HERC2: variants seen among roughly 807,000 people sequenced by gnomAD.
The protein encoded by HERC2 is HECT and RLD domain containing E3 ubiquitin protein ligase 2, also known as E3 ubiquitin-protein ligase HERC2.
HERC2 carries 102 observed loss-of-function variants against 537.7 expected under a neutral mutation model. The observed-to-expected ratio is 0.19, with a 90% CI of 0.16 to 0.22. The LOEUF (loss-of-function observed/expected upper bound fraction) is 0.22. HERC2 is among the 10% of genes least tolerant of loss of function. HERC2 has a pLI of 1.00. For missense variants in HERC2, 4,236 were observed against 6,198.2 expected (o/e 0.68, Z 10.63); for synonymous variants, 2,224 against 2,466.2 (o/e 0.90, Z 2.91).
At chr15:28,170,107 C>T (rs557136833) in intron 65 of HERC2, among the ~76,000 whole-genome samples, 1 of 152,328 alleles carries the variant, frequency 6.6e-6, no homozygotes, top group South Asian at 2.1e-4. Flanking sequence ...AGAGCTGGGA[C>T]ATGTGTCTAT....
chr15:28,215,162 C>A (rs753522762), intron 39 of HERC2, among the ~76,000 whole-genome samples: 2 of 152,068 alleles, frequency 1.3e-5, no homozygotes, highest in Non-Finnish European at 2.9e-5. Flanking sequence ...CAGGCATGAG[C>A]CACTGCGCCC....
chr15:28,311,076 CAAAAAAAAAAAAAAA>C (rs71132854), intron 2 of HERC2, among the ~76,000 whole-genome samples: 2 of 29,294 alleles, frequency 6.8e-5, no homozygotes, highest in South Asian at 3.8e-3. Flanking sequence ...GACTGCATCT[CAAAAAAAAAAAAAAA>C]AAAAAAAAAA....
At position 28,190,974 on chromosome 15, in the gene HERC2, G is replaced by T. The variant is rs1383633515; in HGVS notation, c.8640C>A (p.Asp2880Glu). 4 of 1,601,110 alleles carry T rather than the reference G, an allele frequency of 2.5e-6. No homozygotes were observed. Among genetic ancestry groups the T allele is most frequent in the Non-Finnish European group, 3.4e-6 (4 of 1,168,192 alleles). Residue 2880 changes from aspartate to glutamate, a missense_variant, in exon 55 of 93, where the codon GAC becomes GAA. Physicochemically the swap from Asp to Glu is conservative, Grantham distance 45 (BLOSUM62 2). Around this residue, in one of 27 missense-constraint regions of HERC2, gnomAD observed 606 missense variants for 884.5 expected, o/e 0.69. Transcript: ENST00000261609. ...PSDTTVPLLN[D>E]CTEYHRYIEI... ...TAGCATAGCTACTTACCTCTGTGCAGTCATTCAGAAGGGGCACTGTGGTGT... is the reference window on the plus strand; with the variant it reads ...TAGCATAGCTACTTACCTCTGTGCATTCATTCAGAAGGGGCACTGTGGTGT...
At chr15:28,259,258 C>T (rs1205242433) in intron 16 of HERC2, among the ~76,000 whole-genome samples, 5 of 151,922 alleles carry the variant, frequency 3.3e-5, no homozygotes, top group Admixed American at 3.3e-4. Flanking sequence ...CCAAGCTCGA[C>T]GAAATTTTTG....
At position 28,233,138 on chromosome 15, in the gene HERC2, A is replaced by T. The variant is rs774171437; in HGVS notation, c.4675+8T>A. On this transcript the variant is annotated splice_region_variant and intron_variant, in intron 30 of 92. Coordinates refer to ENST00000261609, the MANE Select transcript of HERC2 (RefSeq NM_004667.6). ...TTAATAGTATCTTCTGTCCTTTTAC[A>T]TTCTTACCTCTCTTTTTCCTTCGTT... 1 of 1,606,832 alleles carries T rather than the reference A, an allele frequency of 6.2e-7. No individual in the cohort carries two copies. Among genetic ancestry groups the T allele is most frequent in the East Asian group, 2.2e-5 (1 of 44,858 alleles).
chr15:28,140,531 T>C (rs371826254), intron 78 of HERC2, among the ~76,000 whole-genome samples: 2 of 152,144 alleles, frequency 1.3e-5, no homozygotes, highest in Admixed American at 6.5e-5. Flanking sequence ...CAATCTTTTT[T>C]TGGGGGCGGA....
chr15:28,189,854 T>G (rs573223289), intron 55 of HERC2, among the ~76,000 whole-genome samples: 2 of 152,198 alleles, frequency 1.3e-5, no homozygotes, highest in East Asian at 3.8e-4. Flanking sequence ...AATGAATGGT[T>G]AACTACATTT....
At chr15:28,311,076 C>CAAAAAAAA (rs71132854) in intron 2 of HERC2, among the ~76,000 whole-genome samples, 1 of 29,294 alleles carries the variant, frequency 3.4e-5, no homozygotes, top group East Asian at 7.8e-4. Context: ...GACTGCATCT[C>CAAAAAAAA]AAAAAAAAAA....
At chr15:28,224,544 G>A (rs1335355465) in intron 35 of HERC2, among the ~76,000 whole-genome samples, 1 of 152,120 alleles carries the variant, frequency 6.6e-6, no homozygotes, top group African/African-American at 2.4e-5. Context: ...TGAACTCTAA[G>A]ACTGATGTGA....
chr15:28,268,356 A>AT lies in HERC2; in HGVS notation c.1598+108dup. ...GTGTCCTGCTCCATCCCAGCGCTAC[A>AT]TGTCAGGGCAATTGGAAAACACCTG... On this transcript the variant is annotated intron_variant, in intron 12 of 92. Coordinates refer to ENST00000261609, the MANE Select transcript of HERC2 (RefSeq NM_004667.6). The surrounding 1 kb of genome is among the most constrained non-coding windows in gnomAD (Gnocchi z 4.7). The AT allele has an allele frequency of 2.0e-6, 2 of 998,864 alleles. No individual in the cohort carries two copies. Among genetic ancestry groups the AT allele is most frequent in the Non-Finnish European group, 3.0e-6 (2 of 663,304 alleles). 61.9% of individuals were successfully genotyped at this position (998,864 alleles called of 1,614,324 possible).
intron 3 of HERC2, among the ~76,000 whole-genome samples, chr15:28,293,881 C>T (rs956113117): frequency 3.0e-4 from 45 of 152,304 alleles, no homozygotes; most frequent in Admixed American, 1.4e-3. Context: ...AAACAACTGT[C>T]ATAAAACTCC....
intron 35 of HERC2, among the ~76,000 whole-genome samples, chr15:28,223,747 G>A (rs73362658): frequency 0.22 from 33,726 of 152,100 alleles, 7,457 homozygotes; most frequent in African/African-American, 0.56. Context: ...ATATGCTTAT[G>A]ATTTCTTAAA....
chr15:28,270,719 C>A lies in HERC2; in HGVS notation c.1233G>T (p.Leu411=). 8 of 1,613,956 alleles carry A rather than the reference C, an allele frequency of 5.0e-6. No individual in the cohort carries two copies. Among genetic ancestry groups the A allele is most frequent in the Non-Finnish European group, 6.8e-6 (8 of 1,179,864 alleles). ...CCTTATGAGATGTCGGAGAGCTACA[C>A]AGCGGAGGCATACAGGGCGTAGCCA... The part of the protein sequence containing the change: ...DRLATPCMPP[L]CSSPTSHKGS... The change falls in exon 10 of 93, where the codon CTG becomes CTT. Residue 411 remains leucine (L), a synonymous_variant. Coordinates refer to ENST00000261609, the MANE Select transcript of HERC2 (RefSeq NM_004667.6).
chr15:28,201,505 T>C lies in HERC2; in HGVS notation c.7667A>G (p.Asp2556Gly), dbSNP rs764126372. Residue 2556 changes from aspartate (D) to glycine (G), a missense_variant, in exon 48 of 93, where the codon GAT (aspartate) becomes GGT (glycine). Physicochemically the swap from Asp to Gly is moderately conservative, Grantham distance 94. Coordinates refer to ENST00000261609, the MANE Select transcript of HERC2 (RefSeq NM_004667.6). ...TESQTYKKRADFLSNDDYAVY... is the reference protein window; with the variant it reads ...TESQTYKKRAGFLSNDDYAVY... ...AGCATAATCATCATTACTCAAGAAA[T>C]CAGCTCGTTTTTTGTACGTCTGGCT... is the stretch of plus-strand genomic sequence containing the variant. The C allele has an allele frequency of 6.2e-6, 10 of 1,613,602 alleles. No homozygotes were observed. In the South Asian group the frequency reaches 6.6e-5, roughly 11 times the overall value.
chr15:28,208,273 C>A (rs1218594676), intron 44 of HERC2, among the ~76,000 whole-genome samples: 1 of 152,108 alleles, frequency 6.6e-6, no homozygotes, highest in South Asian at 2.1e-4. Flanking sequence ...TTCAAACGCA[C>A]CACTCACTAT....
At chr15:28,264,189 C>G (rs918283214) in intron 14 of HERC2, among the ~76,000 whole-genome samples, 1 of 152,164 alleles carries the variant, frequency 6.6e-6, no homozygotes, top group Non-Finnish European at 1.5e-5. Flanking sequence ...CCTCAACGAT[C>G]AGATGGTAAA....
rs61756155 is a variant in HERC2 at position 28,198,433 on chromosome 15, G to T, written c.7956C>A (p.Thr2652=). Residue 2652 remains threonine (T), a synonymous_variant, in exon 50 of 93, where the codon ACC becomes ACA. Transcript: ENST00000261609. ...GDKVRVKASV[T]TPKYKWGSVT... The stretch of plus-strand genomic sequence containing the variant: ...CAGATCCCCATTTGTATTTTGGTGT[G>T]GTGACAGAGGCTTTGACCCGCACTT... 6.2e-7 allele frequency: 1 copy of T among 1,613,282 alleles called. No homozygotes were observed. The highest frequency in any genetic ancestry group is 8.5e-7 in the Non-Finnish European group (1 of 1,179,836).
At chr15:28,215,402 T>C (rs546397568) in intron 39 of HERC2, among the ~76,000 whole-genome samples, 11 of 152,306 alleles carry the variant, frequency 7.2e-5, no homozygotes, top group Admixed American at 2.0e-4. Context: ...GAGTGAGTAG[T>C]TGCAGGATTT....
At chr15:28,126,053 A>G (rs1004460613) in intron 83 of HERC2, among the ~76,000 whole-genome samples, 1 of 152,208 alleles carries the variant, frequency 6.6e-6, no homozygotes, top group African/African-American at 2.4e-5. Context: ...TTGGTGATCC[A>G]CCTGAAAATC....
Sources: allele counts gnomAD v4.1 joint callset (sites outside exome capture counted in the v4.1 genomes callset), GRCh38; gene constraint gnomAD v4.1.1; regional missense constraint gnomAD v4.1.1; non-coding constraint Gnocchi (gnomAD v3.1); transcripts MANE v1.5; gene names NCBI Gene and HGNC (gene_info 2026-07-23, HGNC 2026-07-21).